Variants in RANBP2 observed in about 807,000 individuals in gnomAD.
The protein encoded by RANBP2 is E3 SUMO-protein ligase RanBP2.
In RANBP2, 57 loss-of-function variants were observed where a neutral mutation model predicts 303.6. That is an observed-to-expected ratio of 0.19 (90% CI 0.15 to 0.23). The LOEUF is 0.23. RANBP2 is among the 10% of genes least tolerant of loss of function. The pLI is 1.00. For missense variants in RANBP2, 3,138 were observed against 3,780.8 expected, an observed-to-expected ratio of 0.83 and a Z score of 4.46; for synonymous variants, 1,167 against 1,301.5, an observed-to-expected ratio of 0.90 and a Z score of 2.23.
At chr2:109,260,917 G>A in the RANBP2 span, among the ~76,000 whole-genome samples, 1 of 152,202 alleles carries the variant, frequency 6.6e-6, no homozygotes, top group Non-Finnish European at 1.5e-5. Flanking sequence ...TCTGCTGTGA[G>A]AGGAAGGCCA....
chr2:108,900,506 A>G, the RANBP2 span, among the ~76,000 whole-genome samples: 1 of 151,880 alleles, frequency 6.6e-6, no homozygotes, highest in African/African-American at 2.4e-5. Context: ...GTGAGCCAAG[A>G]TCATGCCATT....
the RANBP2 span, among the ~76,000 whole-genome samples, chr2:109,324,748 T>A: frequency 5.6e-4 from 85 of 152,284 alleles, 2 homozygotes; most frequent in African/African-American, 1.8e-3. Flanking sequence ...AAGCGCCAAA[T>A]GACTTGAAGG....
the RANBP2 span, among the ~76,000 whole-genome samples, chr2:109,744,161 T>TGGTA: frequency 1.0e-5 from 1 of 96,324 alleles, no homozygotes; most frequent in Non-Finnish European, 2.7e-5. Flanking sequence ...CTGGGTTGAA[T>TGGTA]GGTAGTTCTA....
At chr2:108,959,668 A>AT in the RANBP2 span, among the ~76,000 whole-genome samples, 1 of 152,076 alleles carries the variant, frequency 6.6e-6, no homozygotes, top group Non-Finnish European at 1.5e-5. Flanking sequence ...TCAGCTCTGG[A>AT]TGCCCGGTGA....
chr2:108,920,670 T>C, the RANBP2 span, among the ~76,000 whole-genome samples: 1 of 152,220 alleles, frequency 6.6e-6, no homozygotes, highest in African/African-American at 2.4e-5. Context: ...CTCTTTGGTT[T>C]CCCTCTCATT....
the RANBP2 span, chr2:108,923,560 C>A: frequency 1.0e-6 from 1 of 1,002,940 alleles, no homozygotes; most frequent in South Asian, 1.3e-5. Flanking sequence ...ACAATCAAGT[C>A]GGGCATGAGG....
the RANBP2 span, among the ~76,000 whole-genome samples, chr2:109,052,281 T>C: frequency 6.6e-6 from 1 of 152,214 alleles, no homozygotes. Context: ...TGTCAGAAAG[T>C]CCTTCAAATT....
the RANBP2 span, among the ~76,000 whole-genome samples, chr2:108,807,891 G>C: frequency 1.2e-4 from 19 of 152,322 alleles, no homozygotes; most frequent in East Asian, 3.7e-3. Context: ...TTACAGGCCT[G>C]AGCCACTGTA....
At chr2:108,932,643 C>A in the RANBP2 span, among the ~76,000 whole-genome samples, 1 of 151,908 alleles carries the variant, frequency 6.6e-6, no homozygotes. Flanking sequence ...AGACCAAGGG[C>A]CCTGTCAGTG....
At chr2:108,808,614 T>C in the RANBP2 span, among the ~76,000 whole-genome samples, 1 of 152,236 alleles carries the variant, frequency 6.6e-6, no homozygotes, top group African/African-American at 2.4e-5. Context: ...TGATTAGTGA[T>C]ATTGAGCATT....
the RANBP2 span, among the ~76,000 whole-genome samples, chr2:109,489,089 C>T: frequency 6.6e-6 from 1 of 152,160 alleles, no homozygotes; most frequent in African/African-American, 2.4e-5. Context: ...GGCCGAGACT[C>T]AGGCAGTGGA....
intron 20 of RANBP2, among the ~76,000 whole-genome samples, chr2:108,768,752 G>T (rs1677291197): frequency 6.6e-6 from 1 of 152,038 alleles, no homozygotes; most frequent in Non-Finnish European, 1.5e-5. Context: ...TGATATTGAG[G>T]CTGGGCACGG....
the RANBP2 span, chr2:109,593,056 G>C: frequency 1.3e-6 from 2 of 1,590,244 alleles, no homozygotes; most frequent in African/African-American, 2.7e-5. Flanking sequence ...CTCACTATCT[G>C]TTCATCATCT....
the RANBP2 span, among the ~76,000 whole-genome samples, chr2:109,083,864 C>T: frequency 6.6e-6 from 1 of 152,128 alleles, no homozygotes; most frequent in African/African-American, 2.4e-5. Context: ...CAATTTCCCT[C>T]GGCTTCTCTC....
At chr2:109,516,872 A>C in the RANBP2 span, among the ~76,000 whole-genome samples, 1 of 152,202 alleles carries the variant, frequency 6.6e-6, no homozygotes, top group East Asian at 1.9e-4. Context: ...ATGGTTAAAC[A>C]CTGCTCCTCA....
chr2:108,766,658 T>C lies in RANBP2; in HGVS notation c.6119T>C (p.Val2040Ala). Reference protein sequence around the residue: ...EDEKVLYSQRVKLFRFDAEVS... With the variant: ...EDEKVLYSQRAKLFRFDAEVS... ...GAAAAAGTTCTGTATTCACAGCGGG[T>C]AAAACTATTTAGATTTGATGCTGAG... The change falls in exon 20 of 29, where the codon GTA (valine) becomes GCA (alanine). Residue 2040 changes from valine (V) to alanine (A), a missense_variant. Physicochemically the swap from Val to Ala is moderately conservative, Grantham distance 64. This residue lies in a region of RANBP2 where 348 missense variants were observed against 360.4 expected (regional missense o/e 0.97). Coordinates refer to ENST00000283195, the MANE Select transcript of RANBP2 (RefSeq NM_006267.5). The C allele has an allele frequency of 6.2e-7, 1 of 1,611,978 alleles. No homozygotes were observed. Among genetic ancestry groups the C allele is most frequent in the Non-Finnish European group, 8.5e-7 (1 of 1,179,852 alleles).
chr2:108,762,823 CATCATT>C (rs1318534910), intron 19 of RANBP2, among the ~76,000 whole-genome samples: 1 of 151,760 alleles, frequency 6.6e-6, no homozygotes, highest in Admixed American at 6.6e-5. Context: ...TCATCATCAT[CATCATT>C]AACATCATTT....
At chr2:109,292,429 T>G in the RANBP2 span, among the ~76,000 whole-genome samples, 1 of 152,252 alleles carries the variant, frequency 6.6e-6, no homozygotes, top group Non-Finnish European at 1.5e-5. Context: ...ATATTTTCAC[T>G]ACACTAAAAT....
the RANBP2 span, among the ~76,000 whole-genome samples, chr2:108,979,822 A>G: frequency 6.6e-6 from 1 of 152,142 alleles, no homozygotes; most frequent in Non-Finnish European, 1.5e-5. Context: ...ATCTGACATG[A>G]CATGCTTCCT....
Sources: allele counts gnomAD v4.1 joint callset (sites outside exome capture counted in the v4.1 genomes callset), GRCh38; gene constraint gnomAD v4.1.1; regional missense constraint gnomAD v4.1.1; transcripts MANE v1.5; gene names NCBI Gene and HGNC (gene_info 2026-07-23, HGNC 2026-07-21).